The following SAMD12 variants were observed in gnomAD, a reference collection of about 807,000 sequenced individuals.
SAMD12 encodes the protein sterile alpha motif domain containing 12.
SAMD12 carries 9 observed loss-of-function variants against 15.0 expected under a neutral mutation model. That is an observed-to-expected ratio of 0.60 (90% CI 0.36 to 1.05). The LOEUF (loss-of-function observed/expected upper bound fraction) is 1.05, where lower values mean the gene tolerates loss of function less well. Among genes scored for constraint, SAMD12 ranks in the 50% least tolerant of loss-of-function variants. SAMD12 has a pLI of 0.01. For missense variants in SAMD12, 230 were observed against 234.2 expected (o/e 0.98, Z 0.12); for synonymous variants, 86 against 90.1 (o/e 0.96, Z 0.25).
At chr8:118,267,060 T>C (rs1004440262) in intron 4 of SAMD12, among the ~76,000 whole-genome samples, 1 of 152,112 alleles carries the variant, frequency 6.6e-6, no homozygotes, top group African/African-American at 2.4e-5. Context: ...CTGTTTTATA[T>C]ATATATATCA....
At chr8:118,241,997 G>A (rs1182186487) in intron 4 of SAMD12, among the ~76,000 whole-genome samples, 1 of 152,044 alleles carries the variant, frequency 6.6e-6, no homozygotes, top group African/African-American at 2.4e-5. Context: ...CCGAAGCCTT[G>A]ACCTCCCTGG....
chr8:118,304,073 C>T (rs1221161964), intron 4 of SAMD12, among the ~76,000 whole-genome samples: 2 of 152,104 alleles, frequency 1.3e-5, no homozygotes, highest in Admixed American at 6.5e-5. Flanking sequence ...CAAAGGATGC[C>T]TTGTGGGCCC....
At chr8:118,472,599 C>T (rs1030126230) in intron 2 of SAMD12, among the ~76,000 whole-genome samples, 14 of 152,036 alleles carry the variant, frequency 9.2e-5, no homozygotes, top group African/African-American at 2.9e-4. Context: ...CCCTTTACCC[C>T]AGGAGTTTGA....
intron 4 of SAMD12, among the ~76,000 whole-genome samples, chr8:118,269,033 T>C (rs1813272663): frequency 1.3e-5 from 2 of 152,086 alleles, no homozygotes; most frequent in African/African-American, 4.8e-5. Context: ...ATCTGATTGT[T>C]TCTCAAACTT....
the SAMD12 span, among the ~76,000 whole-genome samples, chr8:118,154,557 CACAAA>C: frequency 6.6e-6 from 1 of 152,154 alleles, no homozygotes. Flanking sequence ...TAACTTTCTG[CACAAA>C]GCAGAAAAGT....
intron 2 of SAMD12, among the ~76,000 whole-genome samples, chr8:118,526,184 GAAC>G (rs993560815): frequency 1.6e-4 from 24 of 152,110 alleles, no homozygotes; most frequent in African/African-American, 5.8e-4. Flanking sequence ...TTAAGCTGCT[GAAC>G]AACAACATGA....
At chr8:118,207,764 G>A (rs1312195759) in intron 4 of SAMD12, among the ~76,000 whole-genome samples, 3 of 151,640 alleles carry the variant, frequency 2.0e-5, no homozygotes, top group Non-Finnish European at 4.4e-5. Flanking sequence ...AATTTCAAGG[G>A]CTTCTCTGTT....
rs542150669 is a variant in SAMD12, at chr8:118,579,026, G to A, written c.192+1689C>T. Among the ~76,000 whole-genome samples the A allele has an allele frequency of 2.6e-5, 4 of 152,168 alleles. No homozygotes were observed. The East Asian group carries it at 7.7e-4, about 29-fold the overall frequency. ...CAAAGGAACTATAAAATGCTTCAGA[G>A]GCAAAGACACAAAATTTCAGGATTC... On this transcript the variant is annotated intron_variant, in intron 2 of 3. Transcript: ENST00000314727.
chr8:118,444,296 C>T (rs1268262205), intron 2 of SAMD12, among the ~76,000 whole-genome samples: 1 of 150,782 alleles, frequency 6.6e-6, no homozygotes, highest in African/African-American at 2.5e-5. Context: ...ACCCTGGAGA[C>T]AATTTTGGTT....
chr8:118,373,552 G>A (rs1819217467), downstream of SAMD12, among the ~76,000 whole-genome samples: 1 of 152,162 alleles, frequency 6.6e-6, no homozygotes. Flanking sequence ...CTTTGGGAAA[G>A]TCCATCTGGT....
chr8:118,441,883 G>A (rs1276657077), intron 2 of SAMD12, among the ~76,000 whole-genome samples: 4 of 152,142 alleles, frequency 2.6e-5, no homozygotes, highest in Admixed American at 2.0e-4. Context: ...ATGTTGTGAG[G>A]AAGCCCAGGT....
intron 2 of SAMD12, among the ~76,000 whole-genome samples, chr8:118,536,216 C>T (rs1406732758): frequency 6.6e-6 from 1 of 152,092 alleles, no homozygotes; most frequent in Non-Finnish European, 1.5e-5. Context: ...ATTCCCTGCC[C>T]ACACCCCCTC....
chr8:118,165,626 A>ACACATATATACGTATATATG, the SAMD12 span, among the ~76,000 whole-genome samples: 39 of 143,598 alleles, frequency 2.7e-4, no homozygotes, highest in African/African-American at 9.0e-4. Context: ...ATATATATAT[A>ACACATATATACGTATATATG]TATATATATA....
At chr8:118,211,809 A>T (rs963192488) in intron 4 of SAMD12, among the ~76,000 whole-genome samples, 3 of 152,120 alleles carry the variant, frequency 2.0e-5, no homozygotes, top group Non-Finnish European at 4.4e-5. Context: ...CTACAACAGC[A>T]CTTCATTCAT....
chr8:118,262,698 G>A (rs1455437492), intron 4 of SAMD12, among the ~76,000 whole-genome samples: 4 of 152,046 alleles, frequency 2.6e-5, no homozygotes, highest in Admixed American at 6.6e-5. Flanking sequence ...GCATTGAAAT[G>A]ACTTCTCCTT....
chr8:118,461,055 A>C (rs1364403283), intron 2 of SAMD12, among the ~76,000 whole-genome samples: 2 of 152,186 alleles, frequency 1.3e-5, no homozygotes, highest in East Asian at 3.8e-4. Context: ...ACACTTTTCA[A>C]GCCTCAAATT....
At chr8:118,609,281 C>T (rs184375707) in intron 1 of SAMD12, among the ~76,000 whole-genome samples, 21 of 152,318 alleles carry the variant, frequency 1.4e-4, no homozygotes, top group African/African-American at 2.9e-4. Context: ...GGACAACAAA[C>T]GAAGTGGGTT....
chr8:118,224,817 C>T (rs778977158), intron 4 of SAMD12, among the ~76,000 whole-genome samples: 13 of 152,182 alleles, frequency 8.5e-5, no homozygotes, highest in Non-Finnish European at 7.4e-5. Flanking sequence ...GAACAGAGCG[C>T]TTCTGGCAGA....
chr8:118,391,545 T>C (rs2515062), intron 3 of SAMD12, among the ~76,000 whole-genome samples: 11,448 of 152,218 alleles, frequency 0.075, 499 homozygotes, highest in East Asian at 0.23. Flanking sequence ...ATAAGGACAA[T>C]GTTCACATGC....
Sources: gnomAD v4.1 joint callset for allele counts (sites outside exome capture counted in the v4.1 genomes callset) on GRCh38, gnomAD v4.1.1 for gene constraint, MANE v1.5 for transcripts, NCBI Gene and HGNC (gene_info 2026-07-23, HGNC 2026-07-21) for gene names.